Variants in PARD3B observed in about 807,000 individuals in gnomAD.
The protein encoded by PARD3B is par-3 family cell polarity regulator beta, also known as partitioning defective 3 homolog B.
In PARD3B, 103 loss-of-function variants were observed where a neutral mutation model predicts 130.2. That is an observed-to-expected ratio of 0.79 (90% confidence interval 0.67 to 0.93). The LOEUF is 0.93. PARD3B is among the 40% of genes least tolerant of loss of function. The pLI is 0.00. For missense variants in PARD3B, 1,609 were observed against 1,499.2 expected (o/e 1.07, Z -1.21); for synonymous variants, 583 against 553.2 (o/e 1.05, Z -0.76).
At chr2:205,376,499 A>T (rs1056822057) in intron 18 of PARD3B, among the ~76,000 whole-genome samples, 4 of 147,216 alleles carry the variant, frequency 2.7e-5, no homozygotes, top group Non-Finnish European at 6.1e-5. Context: ...AAGTGATCTA[A>T]TGACGTGAGG....
At chr2:205,401,206 A>G in intron 19 of PARD3B, 83 bp downstream of exon 19, 1 of 1,145,690 alleles carries the variant, frequency 8.7e-7, no homozygotes, top group Non-Finnish European at 1.3e-6. Context: ...CAACTGGAGA[A>G]ATTTCATTTT....
intron 2 of PARD3B, among the ~76,000 whole-genome samples, chr2:204,747,652 G>C (rs2040297321): frequency 6.6e-6 from 1 of 152,078 alleles, no homozygotes; most frequent in Admixed American, 6.6e-5. Flanking sequence ...AAAGCTGGAG[G>C]CATCATGCTA....
At chr2:205,569,387 T>A (rs756564526) in intron 22 of PARD3B, among the ~76,000 whole-genome samples, 2 of 152,234 alleles carry the variant, frequency 1.3e-5, no homozygotes, top group African/African-American at 4.8e-5. Context: ...TGCCTTATAA[T>A]TTTTTGCTTT....
At chr2:205,566,764 CCA>C (rs1156319985) in intron 22 of PARD3B, among the ~76,000 whole-genome samples, 5 of 152,306 alleles carry the variant, frequency 3.3e-5, no homozygotes, top group Middle Eastern at 3.4e-3. Flanking sequence ...ATGTAATAAA[CCA>C]CAGAGTCGCA....
intron 2 of PARD3B, among the ~76,000 whole-genome samples, chr2:204,955,032 C>T (rs1690118248): frequency 1.3e-5 from 2 of 152,076 alleles, no homozygotes; most frequent in Non-Finnish European, 2.9e-5. Flanking sequence ...AATTAGAATA[C>T]TTGTCAAAAT....
At chr2:205,238,888 A>ATATATATATATATATATATGTATGTG (rs59225731) in intron 15 of PARD3B, among the ~76,000 whole-genome samples, 945 of 69,228 alleles carry the variant, frequency 0.014, 32 homozygotes, top group African/African-American at 0.067. Context: ...GTATGTGTGT[A>ATATATATATATATATATATGTATGTG]TATATATATA....
chr2:204,731,764 A>G (rs779949794), intron 2 of PARD3B, among the ~76,000 whole-genome samples: 4 of 152,150 alleles, frequency 2.6e-5, no homozygotes, highest in Non-Finnish European at 5.9e-5. Context: ...TAAATATACA[A>G]CTGTTTGTGG....
At chr2:205,172,496 G>A in intron 12 of PARD3B, 115 bp downstream of exon 12, 5 of 1,064,118 alleles carry the variant, frequency 4.7e-6, no homozygotes, top group Non-Finnish European at 4.0e-6. Context: ...CCCCAGAAGG[G>A]CTTTGATGGG....
chr2:205,242,285 T>C (rs2039385229), intron 15 of PARD3B, among the ~76,000 whole-genome samples: 1 of 152,170 alleles, frequency 6.6e-6, no homozygotes, highest in South Asian at 2.1e-4. Context: ...TCAATTAAAA[T>C]AATGATAAGT....
chr2:204,909,576 T>C (rs899330045), intron 2 of PARD3B, among the ~76,000 whole-genome samples: 2 of 152,306 alleles, frequency 1.3e-5, no homozygotes, highest in Admixed American at 6.5e-5. Flanking sequence ...CTTAGCTCTG[T>C]GAACCTAAAA....
chr2:204,681,755 C>A (rs2036845535), intron 1 of PARD3B, among the ~76,000 whole-genome samples: 1 of 152,160 alleles, frequency 6.6e-6, no homozygotes, highest in African/African-American at 2.4e-5. Context: ...CCTTCTCCTT[C>A]CTGGGTGCAT....
chr2:204,688,728 T>C (rs562871911), intron 2 of PARD3B, among the ~76,000 whole-genome samples: 4 of 152,260 alleles, frequency 2.6e-5, no homozygotes, highest in African/African-American at 9.6e-5. Context: ...CAGTTTAGAT[T>C]AAGAAGTAAC....
In PARD3B at chr2:205,405,638, C is replaced by T. The variant is rs1180357373; in HGVS notation, c.2741+4515C>T. 6.6e-6 allele frequency among the ~76,000 whole-genome samples: 1 copy of T among 152,114 alleles called. No homozygotes were observed. The highest frequency in any genetic ancestry group is 1.5e-5 in the Non-Finnish European group (1 of 68,030). On this transcript the variant is annotated intron_variant, in intron 19 of 22. Coordinates refer to ENST00000406610, the MANE Select transcript of PARD3B (RefSeq NM_001302769.2). This position sits in a 1 kb window ranked among gnomAD's most constrained non-coding sequence, Gnocchi z 4.1. ...CGTTAAAATTTATTTTTAACCTTGGCCTGCTGAGCATCGGCGTTAGTGATG... is the reference window on the plus strand; with the variant it reads ...CGTTAAAATTTATTTTTAACCTTGGTCTGCTGAGCATCGGCGTTAGTGATG...
At chr2:205,220,200 C>T (rs1194687612) in intron 15 of PARD3B, among the ~76,000 whole-genome samples, 1 of 152,072 alleles carries the variant, frequency 6.6e-6, no homozygotes, top group African/African-American at 2.4e-5. Context: ...CTAAAAATCC[C>T]TTAACAACAT....
chr2:205,490,748 T>G (rs190333984), intron 20 of PARD3B, among the ~76,000 whole-genome samples: 31 of 152,322 alleles, frequency 2.0e-4, no homozygotes, highest in African/African-American at 7.2e-4. Flanking sequence ...AGTGTTCCTA[T>G]TTCTCCACAT....
At chr2:205,118,384 C>A (rs1235710801) in intron 6 of PARD3B, among the ~76,000 whole-genome samples, 1 of 152,214 alleles carries the variant, frequency 6.6e-6, no homozygotes, top group African/African-American at 2.4e-5. Flanking sequence ...AAACACCCAA[C>A]ACATACTTGA....
intron 15 of PARD3B, among the ~76,000 whole-genome samples, chr2:205,237,736 T>A (rs538444112): frequency 1.3e-5 from 2 of 152,176 alleles, no homozygotes; most frequent in African/African-American, 4.8e-5. Context: ...TGGTCAGTTA[T>A]ATATAACCGA....
intron 18 of PARD3B, among the ~76,000 whole-genome samples, chr2:205,379,801 G>A (rs1325172373): frequency 6.6e-6 from 1 of 151,920 alleles, no homozygotes; most frequent in African/African-American, 2.4e-5. Context: ...CAGGTGCAGT[G>A]GCTCACACTT....
chr2:204,728,872 G>C (rs2039361880), intron 2 of PARD3B, among the ~76,000 whole-genome samples: 1 of 152,198 alleles, frequency 6.6e-6, no homozygotes, highest in Admixed American at 6.5e-5. Context: ...AAGATGCTCA[G>C]AGAGACATTG....
Sources: allele counts gnomAD v4.1 joint callset (sites outside exome capture counted in the v4.1 genomes callset), GRCh38; gene constraint gnomAD v4.1.1; non-coding constraint Gnocchi (gnomAD v3.1); transcripts MANE v1.5; gene names NCBI Gene and HGNC (gene_info 2026-07-23, HGNC 2026-07-21).